Variants in HNRNPLL observed in about 807,000 individuals in gnomAD.
The protein encoded by HNRNPLL is heterogeneous nuclear ribonucleoprotein L like.
HNRNPLL carries 25 observed loss-of-function variants against 67.1 expected under a neutral mutation model. That is an observed-to-expected ratio of 0.37 (90% confidence interval 0.27 to 0.52). The LOEUF is 0.52. Among genes scored for constraint, HNRNPLL ranks in the 20% least tolerant of loss-of-function variants. HNRNPLL has a pLI of 0.90. For synonymous variants in HNRNPLL, 267 were observed against 241.7 expected, an observed-to-expected ratio of 1.10 and a Z score of -0.97; for missense variants, 542 against 673.9, an observed-to-expected ratio of 0.80 and a Z score of 2.17.
chr2:38,583,423 A>C (rs1056323196), intron 4 of HNRNPLL, among the ~76,000 whole-genome samples: 4 of 152,140 alleles, frequency 2.6e-5, no homozygotes, highest in South Asian at 2.1e-4. Flanking sequence ...CTTCTTACTC[A>C]ATGTGTGACA....
intron 2 of HNRNPLL, 121 bp from the exon 3 acceptor site, chr2:38,586,002 T>C: frequency 1.4e-6 from 1 of 705,274 alleles, no homozygotes; most frequent in South Asian, 1.7e-5. Context: ...TATTCTTCAC[T>C]ACCTGTGTCC....
intron 6 of HNRNPLL, among the ~76,000 whole-genome samples, chr2:38,578,329 T>A (rs1368160167): frequency 1.3e-5 from 2 of 152,046 alleles, no homozygotes; most frequent in Non-Finnish European, 2.9e-5. Context: ...AACAAAAAAA[T>A]TATTTATAAG....
intron 6 of HNRNPLL, chr2:38,577,819 G>C: frequency 2.2e-6 from 1 of 449,318 alleles, no homozygotes; most frequent in Non-Finnish European, 4.4e-6. Context: ...TTTTCAGAAA[G>C]TGAATGTACA....
intron 7 of HNRNPLL, 114 bp from the exon 8 acceptor site, chr2:38,573,541 G>C: frequency 1.5e-6 from 1 of 684,430 alleles, no homozygotes; most frequent in Non-Finnish European, 2.5e-6. Flanking sequence ...ATATTAGCTA[G>C]TTTGATGTAC....
At position 38,602,737 on chromosome 2, in the gene HNRNPLL, C is replaced by T. The variant is rs1667504420; in HGVS notation, c.-111G>A. On this transcript the variant is annotated 5_prime_UTR_variant, in exon 1 of 13. Transcript: ENST00000449105. ...CCGGCAGCGCCTCTTCTGCGAGGGTCTCCGCGGCCCGGCCGTCCGCGGGGA... is the reference window on the plus strand; with the variant it reads ...CCGGCAGCGCCTCTTCTGCGAGGGTTTCCGCGGCCCGGCCGTCCGCGGGGA... 1.3e-6 allele frequency: 2 copies of T among 1,493,372 alleles called. No homozygotes were observed. The highest frequency in any genetic ancestry group is 2.9e-5 in the East Asian group (1 of 34,902). 92.5% of individuals were successfully genotyped at this position (1,493,372 alleles called of 1,614,324 possible). A position where few individuals can be genotyped will look rare whatever the true frequency, so the allele number is the denominator to read the frequency against.
chr2:38,573,131 A>G, intron 8 of HNRNPLL, 79 bp downstream of exon 8: 1 of 880,114 alleles, frequency 1.1e-6, no homozygotes, highest in Non-Finnish European at 1.8e-6. Context: ...TGATACAAGG[A>G]GAAGACACAT....
chr2:38,593,971 G>A (rs907232047), intron 1 of HNRNPLL, among the ~76,000 whole-genome samples: 4 of 151,960 alleles, frequency 2.6e-5, no homozygotes, highest in African/African-American at 9.7e-5. Flanking sequence ...TCAGGAGTTC[G>A]AGACCACCCT....
intron 6 of HNRNPLL, chr2:38,581,286 C>T (rs1049098440): frequency 6.6e-6 from 1 of 152,232 alleles, no homozygotes; most frequent in Admixed American, 6.5e-5. Context: ...ACAACTGAAA[C>T]CTTAAGGGAA....
intron 2 of HNRNPLL, among the ~76,000 whole-genome samples, chr2:38,587,357 GTAT>G (rs145931163): frequency 2.6e-5 from 4 of 151,844 alleles, no homozygotes; most frequent in East Asian, 1.9e-4. Flanking sequence ...AACTATTACT[GTAT>G]TATTATTATT....
rs757538544 is a variant in HNRNPLL, at chr2:38,577,472, T to C, written c.863A>G (p.His288Arg). 4 of 1,601,572 alleles carry C rather than the reference T, an allele frequency of 2.5e-6. No individual in the cohort carries two copies. Among genetic ancestry groups the C allele is most frequent in the African/African-American group, 1.3e-5 (1 of 74,636 alleles). The change falls in exon 7 of 13, where the codon CAT becomes CGT. Residue 288 changes from histidine to arginine, a missense_variant. This residue lies in a region of HNRNPLL where 415 missense variants were observed against 575.2 expected (regional missense o/e 0.72). Transcript: ENST00000449105. ...CCTTGACAACTTACCATAGCCATCA[T>C]GTCTAAACGAAGAAGGGTGTTCTCC... is the stretch of plus-strand genomic sequence containing the variant. ...ILGEHPSSFRHDGYGSHGPLL... is the reference protein window; with the variant it reads ...ILGEHPSSFRRDGYGSHGPLL...
chr2:38,588,543 T>A (rs1462993931), intron 2 of HNRNPLL, among the ~76,000 whole-genome samples: 1 of 59,654 alleles, frequency 1.7e-5, no homozygotes, highest in African/African-American at 1.9e-4. Context: ...TGAAACTCCA[T>A]CTCAAAAAAA....
At chr2:38,570,955 G>C (rs1666054367) in intron 8 of HNRNPLL, among the ~76,000 whole-genome samples, 1 of 152,100 alleles carries the variant, frequency 6.6e-6, no homozygotes. Context: ...GGCTGAGGCA[G>C]GACTGCTTGT....
chr2:38,591,890 G>A (rs796286883), intron 1 of HNRNPLL, among the ~76,000 whole-genome samples: 8 of 151,962 alleles, frequency 5.3e-5, no homozygotes, highest in East Asian at 1.9e-4. Flanking sequence ...GCAGAAGAAC[G>A]GCTTGAATCC....
chr2:38,577,287 T>C (rs1666334935), intron 7 of HNRNPLL, among the ~76,000 whole-genome samples, 174 bp downstream of exon 7: 1 of 151,864 alleles, frequency 6.6e-6, no homozygotes, highest in Non-Finnish European at 1.5e-5. Flanking sequence ...TAAATCATTA[T>C]CCTAAGAAAA....
At chr2:38,591,238 C>T (rs975852526) in intron 2 of HNRNPLL, among the ~76,000 whole-genome samples, 2 of 152,020 alleles carry the variant, frequency 1.3e-5, no homozygotes, top group Admixed American at 6.5e-5. Flanking sequence ...ACAGGACTCA[C>T]GGACTCATTT....
intron 2 of HNRNPLL, among the ~76,000 whole-genome samples, chr2:38,586,287 C>G (rs747943514): frequency 1.3e-5 from 2 of 152,162 alleles, no homozygotes; most frequent in Non-Finnish European, 2.9e-5. Context: ...TCCCAAAGTG[C>G]TGGGATTACA....
intron 9 of HNRNPLL, 53 bp from the exon 10 acceptor site, chr2:38,569,387 G>A (rs1460315487): frequency 1.6e-6 from 2 of 1,282,184 alleles, no homozygotes; most frequent in Non-Finnish European, 1.1e-6. Context: ...ATAAAAAGCA[G>A]CAAGTAGTCT....
chr2:38,594,312 T>C (rs987653567), intron 1 of HNRNPLL, among the ~76,000 whole-genome samples: 1 of 152,320 alleles, frequency 6.6e-6, no homozygotes, highest in Admixed American at 6.5e-5. Flanking sequence ...GGATATTAGG[T>C]TAACATAATA....
intron 1 of HNRNPLL, among the ~76,000 whole-genome samples, chr2:38,593,998 C>T (rs572224707): frequency 6.6e-6 from 1 of 152,132 alleles, no homozygotes; most frequent in Non-Finnish European, 1.5e-5. Context: ...CACGGTGAAA[C>T]CCCGTCTCTA....
Sources: allele counts gnomAD v4.1 joint callset (sites outside exome capture counted in the v4.1 genomes callset), GRCh38; gene constraint gnomAD v4.1.1; regional missense constraint gnomAD v4.1.1; transcripts MANE v1.5; gene names NCBI Gene and HGNC (gene_info 2026-07-23, HGNC 2026-07-21).